LRP2: variants seen among roughly 807,000 people sequenced by gnomAD.
LRP2 encodes the protein low-density lipoprotein receptor-related protein 2.
Under a neutral mutation model 531.0 loss-of-function variants are expected in LRP2, and 172 were observed. That is an observed-to-expected ratio of 0.32 (90% CI 0.29 to 0.37). LRP2 has a LOEUF of 0.37. LRP2 is among the 10% of genes least tolerant of loss of function. The probability of loss-of-function intolerance (pLI) is 1.00; values close to 1 mark genes in which losing one functional copy is unlikely to be tolerated. For missense variants in LRP2, 5,167 were observed against 5,868.3 expected, an observed-to-expected ratio of 0.88 and a Z score of 3.90; for synonymous variants, 1,992 against 2,027.6, an observed-to-expected ratio of 0.98 and a Z score of 0.47.
intron 42 of LRP2, among the ~76,000 whole-genome samples, chr2:169,203,420 G>A (rs991203079): frequency 4.6e-5 from 7 of 152,200 alleles, no homozygotes; most frequent in African/African-American, 1.7e-4. Flanking sequence ...AAGTAGGGCA[G>A]CCAAGGCCTT....
intron 8 of LRP2, among the ~76,000 whole-genome samples, chr2:169,290,466 G>C (rs1199127070): frequency 6.6e-6 from 1 of 152,180 alleles, no homozygotes; most frequent in African/African-American, 2.4e-5. Flanking sequence ...AATAGATGGA[G>C]TCTATTTCTT....
chr2:169,191,062 C>T (rs970961371), intron 48 of LRP2, among the ~76,000 whole-genome samples: 1 of 152,194 alleles, frequency 6.6e-6, no homozygotes, highest in Admixed American at 6.5e-5. Flanking sequence ...TTGATCCACA[C>T]AGTGTTTTAA....
At chr2:169,305,977 C>T (rs1684404439) in intron 4 of LRP2, among the ~76,000 whole-genome samples, 1 of 151,882 alleles carries the variant, frequency 6.6e-6, no homozygotes, top group African/African-American at 2.4e-5. Context: ...TAGGCTATAC[C>T]ATCCAGGTTT....
intron 11 of LRP2, among the ~76,000 whole-genome samples, chr2:169,279,854 C>T (rs1359220174): frequency 6.6e-6 from 1 of 152,020 alleles, no homozygotes; most frequent in African/African-American, 2.4e-5. Flanking sequence ...TGCATTACTC[C>T]AAGATGAAAT....
chr2:169,320,815 G>C lies in LRP2; in HGVS notation c.149C>G (p.Thr50Ser), dbSNP rs114460450. 5,087 of 1,614,036 alleles carry C rather than the reference G, an allele frequency of 3.2e-3. 35 individuals carry two copies. Among genetic ancestry groups the C allele is most frequent in the Non-Finnish European group, 2.9e-3 (3,415 of 1,179,992 alleles). ...CIPADWRCDG[T>S]KDCSDDADEI... is the part of the protein sequence containing the mutation. ...ATCCGCGTCATCTGAACAGTCTTTG[G>C]TCCCATCACACCTCCAGTCTGCAGG... is the stretch of plus-strand genomic sequence containing the variant. The change falls in exon 2 of 79, where the codon ACC becomes AGC. Residue 50 changes from threonine to serine, a missense_variant. Physicochemically the swap from Thr to Ser is moderately conservative, Grantham distance 58. This residue lies in a region of LRP2 where 2,811 missense variants were observed against 3,058.0 expected (regional missense o/e 0.92). Transcript: ENST00000649046.
At chr2:169,241,474 C>A (rs1484244221) in intron 24 of LRP2, 109 bp from the exon 25 acceptor site, 1 of 1,098,268 alleles carries the variant, frequency 9.1e-7, no homozygotes, top group Non-Finnish European at 1.4e-6. Flanking sequence ...TTTATAGTAA[C>A]AACTATGACC....
intron 70 of LRP2, 55 bp from the exon 71 acceptor site, chr2:169,142,848 A>G: frequency 6.2e-7 from 1 of 1,607,156 alleles, no homozygotes; most frequent in South Asian, 1.1e-5. Context: ...TAACCTGAAT[A>G]CCCAGCAACT....
chr2:169,135,579 A>G (rs1217715587), intron 76 of LRP2, among the ~76,000 whole-genome samples: 7 of 152,126 alleles, frequency 4.6e-5, no homozygotes, highest in Non-Finnish European at 8.8e-5. Context: ...ACGGTCCTCA[A>G]TCTTCAAGAA....
chr2:169,227,288 T>C (rs1396089761), intron 31 of LRP2, among the ~76,000 whole-genome samples: 3 of 152,224 alleles, frequency 2.0e-5, no homozygotes, highest in Non-Finnish European at 4.4e-5. Context: ...GATGACCATA[T>C]GACTGCATTA....
chr2:169,301,702 C>T (rs1684289105), intron 4 of LRP2, among the ~76,000 whole-genome samples: 1 of 152,230 alleles, frequency 6.6e-6, no homozygotes, highest in East Asian at 1.9e-4. Context: ...CTCACCATCT[C>T]GAACATTCTC....
At chr2:169,260,246 T>A (rs948655214) in intron 16 of LRP2, among the ~76,000 whole-genome samples, 2 of 151,940 alleles carry the variant, frequency 1.3e-5, no homozygotes, top group Non-Finnish European at 2.9e-5. Flanking sequence ...AAAAGAGTAA[T>A]GAGTGCTGAG....
intron 45 of LRP2, among the ~76,000 whole-genome samples, chr2:169,197,978 A>G (rs2105320284): frequency 6.6e-6 from 1 of 152,372 alleles, no homozygotes; most frequent in East Asian, 1.9e-4. Context: ...ATCTATTTAC[A>G]CTAATAGTCT....
chr2:169,313,908 T>A (rs10169533), intron 3 of LRP2, among the ~76,000 whole-genome samples: 2,064 of 152,286 alleles, frequency 0.014, 48 homozygotes, highest in African/African-American at 0.047. Flanking sequence ...TCCGTGGGTA[T>A]CTATAAATGA....
At chr2:169,332,264 C>T (rs1435560776) in intron 1 of LRP2, among the ~76,000 whole-genome samples, 1 of 152,292 alleles carries the variant, frequency 6.6e-6, no homozygotes, top group African/African-American at 2.4e-5. Flanking sequence ...ACTAAATGGA[C>T]CTTCTTGACT....
At chr2:169,354,784 G>T (rs905730317) in intron 1 of LRP2, among the ~76,000 whole-genome samples, 1 of 152,160 alleles carries the variant, frequency 6.6e-6, no homozygotes, top group African/African-American at 2.4e-5. Flanking sequence ...TGATGGATAC[G>T]TGTTCTACCA....
rs1363519051 is a variant in LRP2, at chr2:169,127,919, A to G, written c.*744T>C. 6.6e-6 allele frequency: 1 copy of G among 152,436 alleles called. No individual in the cohort carries two copies. The highest frequency in any genetic ancestry group is 1.5e-5 in the Non-Finnish European group (1 of 68,062). The allele number at this position is 152,436 out of a possible 1,614,324, so 9.4% of individuals were successfully genotyped here. Reference sequence around the variant, plus strand: ...GCTCATTTAATTAACCACAAACTCAATGCAGGACACTGGCACTTAATGATA... The same window carrying G: ...GCTCATTTAATTAACCACAAACTCAGTGCAGGACACTGGCACTTAATGATA... On this transcript the variant is annotated 3_prime_UTR_variant, in exon 79 of 79. Transcript: ENST00000649046.
intron 1 of LRP2, among the ~76,000 whole-genome samples, chr2:169,336,368 T>A (rs746208873): frequency 4.0e-5 from 6 of 151,682 alleles, no homozygotes; most frequent in Non-Finnish European, 8.8e-5. Context: ...TGAAACCCCA[T>A]CTGTACTGAA....
rs1349919507 is a variant in LRP2 at position 169,256,246 on chromosome 2, T to A, written c.2640-10A>T. ...GTACAATCGTGAAGCACTAAAATAA[T>A]AAAATATTTAGTTATCTCTTATCCA... On this transcript the variant is annotated splice_polypyrimidine_tract_variant and intron_variant, in intron 18 of 78. Coordinates refer to ENST00000649046, the MANE Select transcript of LRP2 (RefSeq NM_004525.3). 2 of 1,609,876 alleles carry A rather than the reference T, an allele frequency of 1.2e-6. No homozygotes were observed.
chr2:169,206,067 G>T lies in LRP2; in HGVS notation c.7512C>A (p.Ala2504=). 6.2e-7 allele frequency: 1 copy of T among 1,614,174 alleles called. No homozygotes were observed. Among genetic ancestry groups the T allele is most frequent in the Non-Finnish European group, 8.5e-7 (1 of 1,180,036 alleles). The part of the protein sequence containing the change: ...AEDGSNRTVI[A]RVPKPRAIVL... ...CAATTGCTCTTGGTTTTGGAACGCG[G>T]GCTATCACAGTGCGGTTAGACCCAT... The change falls in exon 40 of 79, where the codon GCC becomes GCA. Residue 2504 remains alanine (A), a synonymous_variant. Coordinates refer to ENST00000649046, the MANE Select transcript of LRP2 (RefSeq NM_004525.3).
Sources: allele counts gnomAD v4.1 joint callset (sites outside exome capture counted in the v4.1 genomes callset), GRCh38; gene constraint gnomAD v4.1.1; regional missense constraint gnomAD v4.1.1; transcripts MANE v1.5; gene names NCBI Gene and HGNC (gene_info 2026-07-23, HGNC 2026-07-21).